RAD51B: variants seen among roughly 807,000 people sequenced by gnomAD.
The protein encoded by RAD51B is DNA repair protein RAD51 homolog 2.
Under a neutral mutation model 42.2 loss-of-function variants are expected in RAD51B, and 38 were observed. That is an observed-to-expected ratio of 0.90 (90% CI 0.70 to 1.18). The LOEUF (loss-of-function observed/expected upper bound fraction) is 1.18, where lower values mean the gene tolerates loss of function less well. Ranked by LOEUF, RAD51B falls within the 50% of genes most tolerant of loss-of-function variation. The pLI is 0.00. For missense variants in RAD51B, 373 were observed against 400.7 expected, an observed-to-expected ratio of 0.93 and a Z score of 0.59; for synonymous variants, 154 against 145.2, an observed-to-expected ratio of 1.06 and a Z score of -0.43.
At chr14:68,087,307 G>A (rs1284882619) in intron 7 of RAD51B, among the ~76,000 whole-genome samples, 4 of 152,066 alleles carry the variant, frequency 2.6e-5, no homozygotes, top group African/African-American at 7.2e-5. Flanking sequence ...TGGGTTTGGG[G>A]CCTAATTCTA....
downstream of RAD51B, among the ~76,000 whole-genome samples, chr14:68,596,871 G>A (rs554286488): frequency 6.6e-6 from 1 of 152,336 alleles, no homozygotes; most frequent in East Asian, 1.9e-4. Flanking sequence ...CACCCAGAAG[G>A]TGGTGGGGAG....
intron 7 of RAD51B, among the ~76,000 whole-genome samples, chr14:67,997,235 G>T (rs1419527657): frequency 6.6e-6 from 1 of 152,132 alleles, no homozygotes; most frequent in Non-Finnish European, 1.5e-5. Flanking sequence ...CCAAGAGAAT[G>T]AATAGACAGA....
chr14:68,273,746 G>C (rs2081166840), intron 7 of RAD51B, among the ~76,000 whole-genome samples: 1 of 152,042 alleles, frequency 6.6e-6, no homozygotes, highest in Non-Finnish European at 1.5e-5. Context: ...GAGTATAGTG[G>C]TGCAATTATA....
chr14:68,233,099 G>C (rs1199250985), intron 7 of RAD51B, among the ~76,000 whole-genome samples: 1 of 151,936 alleles, frequency 6.6e-6, no homozygotes, highest in African/African-American at 2.4e-5. Flanking sequence ...TAGGAGACTT[G>C]GGTATGTTCA....
intron 10 of RAD51B, among the ~76,000 whole-genome samples, chr14:68,518,305 A>G (rs1187645304): frequency 6.6e-6 from 1 of 152,096 alleles, no homozygotes; most frequent in Non-Finnish European, 1.5e-5. Context: ...GTAGGCTTGC[A>G]CCCCACACCT....
chr14:68,228,847 T>A (rs1298663754), intron 7 of RAD51B, among the ~76,000 whole-genome samples: 4 of 152,348 alleles, frequency 2.6e-5, no homozygotes, highest in African/African-American at 9.6e-5. Flanking sequence ...TGGGATTTAA[T>A]CTAAATGATT....
chr14:67,866,353 T>C (rs914577709), intron 5 of RAD51B, among the ~76,000 whole-genome samples: 6 of 152,224 alleles, frequency 3.9e-5, no homozygotes, highest in Non-Finnish European at 7.4e-5. Context: ...AAAGACTGGT[T>C]CACTCAAATT....
chr14:67,845,176 G>C (rs2041569023), intron 4 of RAD51B, among the ~76,000 whole-genome samples: 2 of 152,188 alleles, frequency 1.3e-5, no homozygotes, highest in Non-Finnish European at 2.9e-5. Context: ...AGACTTGTTT[G>C]TGTTGTTGCT....
At position 68,267,500 on chromosome 14, in the gene RAD51B, G is replaced by T. The variant is rs112877039; in HGVS notation, c.757-24384G>T. Among the ~76,000 whole-genome samples the T allele has an allele frequency of 4.7e-3, 713 of 152,210 alleles. 5 individuals carry two copies. Among genetic ancestry groups the T allele is most frequent in the Non-Finnish European group, 6.9e-3 (468 of 67,990 alleles). On this transcript the variant is annotated intron_variant, in intron 7 of 10. Coordinates refer to ENST00000471583, the MANE Select transcript of RAD51B (RefSeq NM_133510.4). The stretch of plus-strand genomic sequence containing the variant: ...TCTTCTAGAATTCTTTCAAATGAAA[G>T]AATTTGTGTGTAAGGTTTGATTGGT...
intron 8 of RAD51B, among the ~76,000 whole-genome samples, chr14:68,302,892 A>G (rs1022731079): frequency 1.3e-5 from 2 of 152,230 alleles, no homozygotes; most frequent in Non-Finnish European, 2.9e-5. Flanking sequence ...CCTCATTCCC[A>G]TAAACCCACA....
At chr14:68,036,948 T>C (rs2140383333) in intron 7 of RAD51B, among the ~76,000 whole-genome samples, 1 of 152,168 alleles carries the variant, frequency 6.6e-6, no homozygotes, top group African/African-American at 2.4e-5. Flanking sequence ...TTTTATGATT[T>C]TAGCTGTTTC....
chr14:68,270,472 T>C (rs2081083737), intron 7 of RAD51B, among the ~76,000 whole-genome samples: 1 of 152,232 alleles, frequency 6.6e-6, no homozygotes, highest in Admixed American at 6.5e-5. Context: ...TAATGAACTT[T>C]TACTCAGAAT....
At chr14:68,232,421 A>G (rs1214966931) in intron 7 of RAD51B, among the ~76,000 whole-genome samples, 1 of 152,228 alleles carries the variant, frequency 6.6e-6, no homozygotes, top group Admixed American at 6.5e-5. Context: ...GTGCTGGGAA[A>G]CCAACCTGGC....
intron 7 of RAD51B, among the ~76,000 whole-genome samples, chr14:67,906,555 C>G (rs2043787496): frequency 6.6e-6 from 1 of 151,988 alleles, no homozygotes; most frequent in African/African-American, 2.4e-5. Context: ...CTTTTTATTA[C>G]TGATTCAATT....
intron 7 of RAD51B, among the ~76,000 whole-genome samples, chr14:68,177,356 C>T (rs552481546): frequency 3.9e-5 from 6 of 152,122 alleles, no homozygotes; most frequent in African/African-American, 9.7e-5. Flanking sequence ...CAGGTAGGCA[C>T]CTAGGTGTTT....
intron 7 of RAD51B, among the ~76,000 whole-genome samples, chr14:68,183,518 A>T (rs779862580): frequency 2.0e-5 from 3 of 152,192 alleles, no homozygotes; most frequent in Non-Finnish European, 4.4e-5. Context: ...CCTCACAGAC[A>T]CACCCAGGAA....
intron 7 of RAD51B, among the ~76,000 whole-genome samples, chr14:68,235,519 A>G (rs1196593795): frequency 6.6e-6 from 1 of 151,238 alleles, no homozygotes. Flanking sequence ...CCCGGCTAAA[A>G]CGGTGAAACC....
intron 8 of RAD51B, among the ~76,000 whole-genome samples, chr14:68,325,874 A>G (rs1379586782): frequency 6.6e-6 from 1 of 151,974 alleles, no homozygotes; most frequent in Non-Finnish European, 1.5e-5. Context: ...AATTTATCTG[A>G]GTGTTTTTTA....
At chr14:68,667,894 A>T (rs8018356) in intron 11 of RAD51B, among the ~76,000 whole-genome samples, 152,335 of 152,344 alleles carry the variant, frequency 1, 76,163 homozygotes, top group Non-Finnish European at 1. Flanking sequence ...GTATCCACAG[A>T]CCTAACTGAA....
Sources: allele counts gnomAD v4.1 joint callset (sites outside exome capture counted in the v4.1 genomes callset), GRCh38; gene constraint gnomAD v4.1.1; transcripts MANE v1.5; gene names NCBI Gene and HGNC (gene_info 2026-07-23, HGNC 2026-07-21).